MRPL48: variants seen among roughly 807,000 people sequenced by gnomAD.
MRPL48 encodes large ribosomal subunit protein mL48.
Under a neutral mutation model 32.9 loss-of-function variants are expected in MRPL48, and 16 were observed. That is an observed-to-expected ratio of 0.49 (90% CI 0.33 to 0.74). The LOEUF (loss-of-function observed/expected upper bound fraction) is 0.74, where lower values mean the gene tolerates loss of function less well. Ranked by LOEUF, MRPL48 falls within the 30% of genes least tolerant of loss-of-function variation. The pLI is 0.02. For synonymous variants in MRPL48, 94 were observed against 89.2 expected (o/e 1.05, Z -0.31); for missense variants, 206 against 245.3 (o/e 0.84, Z 1.07).
rs1373540873 is a variant in MRPL48 at position 73,825,296 on chromosome 11, G to A, written c.113-412G>A. Among the ~76,000 whole-genome samples, 28 of 146,248 alleles carry A rather than the reference G, an allele frequency of 1.9e-4. 2 individuals carry two copies. The highest frequency in any genetic ancestry group is 1.2e-3 in the Admixed American group (17 of 14,772). The stretch of plus-strand genomic sequence containing the variant: ...TTGTTTTTTATATATGTGTGTGTGT[G>A]TGTGTGTGTGTGTGTGTGTGTGTGT... On this transcript the variant is annotated intron_variant, in intron 3 of 7. Transcript: ENST00000310614.
In MRPL48 at chr11:73,820,692, A is replaced by G. The variant is rs942948145; in HGVS notation, c.113-5016A>G. On this transcript the variant is annotated intron_variant, in intron 3 of 7. Transcript: ENST00000310614. The stretch of plus-strand genomic sequence containing the variant: ...CATTTTTTTCATCCAGTACACTTCT[A>G]TTTGCCTTTCCAATATCTTATTTTA... 2.6e-5 allele frequency among the ~76,000 whole-genome samples: 4 copies of G among 151,790 alleles called. No homozygotes were observed. In the South Asian group the frequency reaches 6.2e-4, roughly 24 times the overall value.
At chr11:73,823,593 A>G (rs925868597) in intron 3 of MRPL48, among the ~76,000 whole-genome samples, 4 of 152,060 alleles carry the variant, frequency 2.6e-5, no homozygotes, top group South Asian at 2.1e-4. Context: ...CTAGAATACA[A>G]AAATCTAGCT....
At chr11:73,821,629 A>G (rs1947784054) in intron 3 of MRPL48, among the ~76,000 whole-genome samples, 1 of 152,178 alleles carries the variant, frequency 6.6e-6, no homozygotes, top group South Asian at 2.1e-4. Context: ...ACTCAAGTTC[A>G]TCTTAAGTGC....
chr11:73,806,374 T>C (rs1947454930), intron 2 of MRPL48, among the ~76,000 whole-genome samples: 1 of 152,196 alleles, frequency 6.6e-6, no homozygotes, highest in Non-Finnish European at 1.5e-5. Context: ...TGCATATTCT[T>C]TCCTCAGATA....
At position 73,787,938 on chromosome 11, in the gene MRPL48, G is replaced by T. The variant is rs1947068685; in HGVS notation, c.-34G>T. On this transcript the variant is annotated 5_prime_UTR_variant, in exon 1 of 8. Coordinates refer to ENST00000310614, the MANE Select transcript of MRPL48 (RefSeq NM_016055.6). The stretch of plus-strand genomic sequence containing the variant: ...ACGCGGCTGCAGGGTCCGGTCTTCG[G>T]TTTGCACAGCTAGAGGCCGCGCAGC... 6.2e-7 allele frequency: 1 copy of T among 1,610,310 alleles called. No homozygotes were observed. The highest frequency in any genetic ancestry group is 2.2e-5 in the East Asian group (1 of 44,666).
intron 6 of MRPL48, among the ~76,000 whole-genome samples, chr11:73,861,520 C>T (rs1161101598): frequency 6.6e-6 from 1 of 152,156 alleles, no homozygotes; most frequent in Non-Finnish European, 1.5e-5. Flanking sequence ...CAGGCATGCG[C>T]CACCATGCCC....
At chr11:73,830,696 T>C (rs778399934) in intron 4 of MRPL48, among the ~76,000 whole-genome samples, 17 of 152,158 alleles carry the variant, frequency 1.1e-4, no homozygotes, top group Non-Finnish European at 1.3e-4. Context: ...GCATAAAGTA[T>C]CCAACCCTTG....
At chr11:73,814,743 C>T (rs1190559227) in intron 3 of MRPL48, among the ~76,000 whole-genome samples, 7 of 151,376 alleles carry the variant, frequency 4.6e-5, no homozygotes, top group Admixed American at 3.3e-4. Context: ...CTTGTAATCT[C>T]GGCAGTTTGG....
At chr11:73,827,889 C>T (rs1947926924) in intron 4 of MRPL48, among the ~76,000 whole-genome samples, 1 of 152,130 alleles carries the variant, frequency 6.6e-6, no homozygotes, top group Non-Finnish European at 1.5e-5. Flanking sequence ...GGGAAGTCTA[C>T]TGAATTAGGA....
At position 73,864,747 on chromosome 11, in the gene MRPL48, A is replaced by G. The variant is rs774584524; in HGVS notation, c.*377A>G. ...CGAGGCAGGAGGACTGCTCGAGGCC[A>G]GGAGCTTGAGACCAGCCTGGCAACA... On this transcript the variant is annotated 3_prime_UTR_variant, in exon 8 of 8. Transcript: ENST00000310614. The G allele has an allele frequency of 8.1e-5, 18 of 222,234 alleles. No homozygotes were observed. The highest frequency in any genetic ancestry group is 1.3e-4 in the Non-Finnish European group (14 of 111,164). The allele number at this position is 222,234 out of a possible 1,614,324, so 13.8% of individuals were successfully genotyped here.
chr11:73,803,902 T>C (rs929473693), intron 1 of MRPL48, among the ~76,000 whole-genome samples: 3 of 152,084 alleles, frequency 2.0e-5, no homozygotes, highest in Non-Finnish European at 4.4e-5. Flanking sequence ...ATCACTGTCA[T>C]TTTTTAATTT....
chr11:73,826,725 C>T (rs1382480310), intron 4 of MRPL48, among the ~76,000 whole-genome samples: 3 of 151,572 alleles, frequency 2.0e-5, no homozygotes, highest in Non-Finnish European at 4.4e-5. Flanking sequence ...AGTGATCTGC[C>T]TGCCTTGACC....
At chr11:73,840,380 G>C (rs555140811) in intron 4 of MRPL48, among the ~76,000 whole-genome samples, 1 of 152,276 alleles carries the variant, frequency 6.6e-6, no homozygotes, top group South Asian at 2.1e-4. Context: ...TGTAATCCTA[G>C]CTGCTCAGGA....
intron 3 of MRPL48, among the ~76,000 whole-genome samples, chr11:73,812,195 A>G (rs1947578556): frequency 6.6e-6 from 1 of 151,960 alleles, no homozygotes; most frequent in Admixed American, 6.6e-5. Flanking sequence ...CCTCTTTCCC[A>G]ATCTTAACTC....
chr11:73,848,684 A>G (rs1792193), intron 5 of MRPL48, among the ~76,000 whole-genome samples: 68,747 of 151,822 alleles, frequency 0.45, 16,753 homozygotes, highest in African/African-American at 0.64. Flanking sequence ...GGGAAGTAAC[A>G]TTTACTCCCT....
intron 4 of MRPL48, among the ~76,000 whole-genome samples, chr11:73,832,921 A>G (rs1335322400): frequency 6.6e-6 from 1 of 152,204 alleles, no homozygotes; most frequent in Non-Finnish European, 1.5e-5. Context: ...ATGGTCCTGT[A>G]AAAAGTGTAA....
intron 4 of MRPL48, among the ~76,000 whole-genome samples, chr11:73,836,687 TAGA>T (rs1281515300): frequency 6.6e-6 from 1 of 152,230 alleles, no homozygotes; most frequent in African/African-American, 2.4e-5. Context: ...CCCACGTGGC[TAGA>T]AGTTTTCAGA....
intron 1 of MRPL48, among the ~76,000 whole-genome samples, chr11:73,791,759 A>G (rs569009650): frequency 4.6e-5 from 7 of 152,286 alleles, no homozygotes; most frequent in Non-Finnish European, 8.8e-5. Context: ...CCTATAGTGT[A>G]TCTGGCCTAA....
intron 4 of MRPL48, among the ~76,000 whole-genome samples, chr11:73,831,757 A>C (rs536992639): frequency 6.6e-6 from 1 of 151,930 alleles, no homozygotes; most frequent in Non-Finnish European, 1.5e-5. Flanking sequence ...CCTGACCACC[A>C]TGGTGAAACT....
Sources: gnomAD v4.1 joint callset for allele counts (sites outside exome capture counted in the v4.1 genomes callset) on GRCh38, gnomAD v4.1.1 for gene constraint, MANE v1.5 for transcripts, NCBI Gene and HGNC (gene_info 2026-07-23, HGNC 2026-07-21) for gene names.